Variants in USP42 observed in about 807,000 individuals in gnomAD.
USP42 encodes ubiquitin specific peptidase 42, also known as ubiquitin carboxyl-terminal hydrolase 42.
Under a neutral mutation model 113.0 loss-of-function variants are expected in USP42, and 23 were observed. That is an observed-to-expected ratio of 0.20 (90% confidence interval 0.15 to 0.29). USP42 has a LOEUF of 0.29. Ranked by LOEUF, USP42 falls within the 10% of genes least tolerant of loss-of-function variation. The pLI, the probability that USP42 is intolerant of heterozygous loss-of-function variation, is 1.00. For synonymous variants in USP42, 933 were observed against 699.0 expected (o/e 1.33, Z -5.28); for missense variants, 2,174 against 1,779.8 (o/e 1.22, Z -3.99).
Position 6,154,312 on chromosome 7 carries a change from C to A in USP42, c.2758C>A (p.Pro920Thr). 2 of 1,581,152 alleles carry A rather than the reference C, an allele frequency of 1.3e-6. No homozygotes were observed. The highest frequency in any genetic ancestry group is 1.3e-5 in the African/African-American group (1 of 74,220). ...GHPEGDAEPS[P>T]GERVEDAAAP... Reference sequence around the variant, plus strand: ...CCCGGAAGGGGACGCTGAGCCTAGCCCCGGCGAGAGGGTCGAGGACGCCGC... The same window carrying A: ...CCCGGAAGGGGACGCTGAGCCTAGCACCGGCGAGAGGGTCGAGGACGCCGC... The change falls in exon 15 of 18, where the codon CCC becomes ACC. Residue 920 changes from proline to threonine, a missense_variant. Pro to Thr is a conservative substitution (Grantham distance 38). Transcript: ENST00000306177.
rs1039341973 is a variant in USP42 at position 6,157,262 on chromosome 7, A to G, written c.3943+207A>G. 15 of 1,328,998 alleles carry G rather than the reference A, an allele frequency of 1.1e-5. No individual in the cohort carries two copies. The African/African-American group carries it at 2.1e-4, about 19-fold the overall frequency. 82.3% of individuals were successfully genotyped at this position (1,328,998 alleles called of 1,614,324 possible). On this transcript the variant is annotated intron_variant, in intron 16 of 17. Transcript: ENST00000306177. The surrounding 1 kb of genome is among the most constrained non-coding windows in gnomAD (Gnocchi z 4.1). ...CAGTTAAGCCCTTAGCGTTTATTGA[A>G]GGCCTAAGTGACACAGGACTGAGGG...
At position 6,143,179 on chromosome 7, in the gene USP42, G is replaced by C. The variant is rs116532378; in HGVS notation, c.878+165G>C. On this transcript the variant is annotated intron_variant, in intron 8 of 17. Coordinates refer to ENST00000306177, the MANE Select transcript of USP42 (RefSeq NM_032172.3). Reference sequence around the variant, plus strand: ...CAAAGGCGAGAGCCCGGAGTGTCTTGATGTGTGTGTTTCTGCAAGATGCGC... The same window carrying C: ...CAAAGGCGAGAGCCCGGAGTGTCTTCATGTGTGTGTTTCTGCAAGATGCGC... Among the ~76,000 whole-genome samples the C allele has an allele frequency of 6.1e-3, 925 of 152,278 alleles. 8 individuals carry two copies. Among genetic ancestry groups the C allele is most frequent in the African/African-American group, 0.021 (876 of 41,554 alleles).
At position 6,154,329 on chromosome 7, in the gene USP42, G is replaced by A. The variant is rs545880737; in HGVS notation, c.2775G>A (p.Glu925=). The A allele has an allele frequency of 1.2e-4, 183 of 1,573,618 alleles. 1 individual carries two copies. The East Asian group carries it at 4.3e-3, about 37-fold the overall frequency. ...DAEPSPGERV[E]DAAAPKAPGP... is the part of the protein sequence containing the mutation. ...AGCCTAGCCCCGGCGAGAGGGTCGAGGACGCCGCGGCGCCGAAAGCCCCAG... is the reference window on the plus strand; with the variant it reads ...AGCCTAGCCCCGGCGAGAGGGTCGAAGACGCCGCGGCGCCGAAAGCCCCAG... The change falls in exon 15 of 18, where the codon GAG becomes GAA. Residue 925 remains glutamate (E), a synonymous_variant. Coordinates refer to ENST00000306177, the MANE Select transcript of USP42 (RefSeq NM_032172.3).
chr7:6,116,736 G>T (rs1404648661), intron 3 of USP42: 8 of 530,970 alleles, frequency 1.5e-5, no homozygotes, highest in Non-Finnish European at 2.7e-5. Flanking sequence ...CACCTACCTA[G>T]GGGTGTTTGT....
At chr7:6,113,837 A>G (rs1382247606) in intron 2 of USP42, among the ~76,000 whole-genome samples, 2 of 151,850 alleles carry the variant, frequency 1.3e-5, no homozygotes, top group Admixed American at 6.6e-5. Context: ...TAGCCTGAAT[A>G]GTCTCGATCT....
chr7:6,136,002 CTTTTTTTT>C, intron 4 of USP42, 51 bp downstream of exon 4: 1 of 549,166 alleles, frequency 1.8e-6, no homozygotes, highest in Non-Finnish European at 2.7e-6. Flanking sequence ...CCTAGTTATA[CTTTTTTTT>C]TTTTTTTTTT....
At chr7:6,119,866 G>A (rs1363791766) in intron 3 of USP42, among the ~76,000 whole-genome samples, 1 of 152,138 alleles carries the variant, frequency 6.6e-6, no homozygotes, top group Non-Finnish European at 1.5e-5. Context: ...ACAACACCTA[G>A]CTAATTTTTT....
intron 3 of USP42, among the ~76,000 whole-genome samples, chr7:6,131,368 G>C (rs968666891): frequency 5.9e-5 from 9 of 151,988 alleles, no homozygotes; most frequent in Admixed American, 1.3e-4. Flanking sequence ...CCAGCTACTC[G>C]AGAGACGGGT....
intron 8 of USP42, among the ~76,000 whole-genome samples, chr7:6,143,866 T>G (rs971004446): frequency 6.6e-6 from 1 of 152,198 alleles, no homozygotes; most frequent in Non-Finnish European, 1.5e-5. Flanking sequence ...TTTTCAGAAT[T>G]GTCCTAACTT....
In USP42 at chr7:6,158,681, A is replaced by T. The variant is rs985743177; in HGVS notation, c.3944-769A>T. Among the ~76,000 whole-genome samples, 1 of 152,124 alleles carries T rather than the reference A, an allele frequency of 6.6e-6. No individual in the cohort carries two copies. The highest frequency in any genetic ancestry group is 2.4e-5 in the African/African-American group (1 of 41,424). ...GACGGGTTGCCTGCGGGCCTTGTAG[A>T]CGTTCTGGACATTTCAGAATTGGTT... is the stretch of plus-strand genomic sequence containing the variant. On this transcript the variant is annotated intron_variant, in intron 16 of 17. Coordinates refer to ENST00000306177, the MANE Select transcript of USP42 (RefSeq NM_032172.3). The surrounding 1 kb of genome is among the most constrained non-coding windows in gnomAD (Gnocchi z 4.2).
intron 3 of USP42, among the ~76,000 whole-genome samples, chr7:6,128,483 C>T (rs1369436903): frequency 6.6e-6 from 1 of 152,046 alleles, no homozygotes; most frequent in Non-Finnish European, 1.5e-5. Context: ...CTTTTTTATC[C>T]TTTTACTTTC....
At chr7:6,114,964 A>G (rs1562805711) in intron 2 of USP42, among the ~76,000 whole-genome samples, 1 of 152,040 alleles carries the variant, frequency 6.6e-6, no homozygotes. Flanking sequence ...TGCTGGGATT[A>G]TAGGCGTGAG....
Position 6,157,125 on chromosome 7 carries a change from T to G in USP42, c.3943+70T>G, listed in dbSNP as rs1249654115. On this transcript the variant is annotated intron_variant, in intron 16 of 17. Coordinates refer to ENST00000306177, the MANE Select transcript of USP42 (RefSeq NM_032172.3). This position sits in a 1 kb window ranked among gnomAD's most constrained non-coding sequence, Gnocchi z 4.1. Reference sequence around the variant, plus strand: ...AATACATTTTCTTTGCAAAGGTGATTAACATGTAGAAAGAAAACCTCAGGT... The same window carrying G: ...AATACATTTTCTTTGCAAAGGTGATGAACATGTAGAAAGAAAACCTCAGGT... 1 of 1,460,644 alleles carries G rather than the reference T, an allele frequency of 6.8e-7. No individual in the cohort carries two copies. Among genetic ancestry groups the G allele is most frequent in the East Asian group, 2.4e-5 (1 of 41,174 alleles). The allele number at this position is 1,460,644 out of a possible 1,614,324, so 90.5% of individuals were successfully genotyped here.
At chr7:6,092,082 CTCTTCTTCTTCTTCCTCCTCT>C in the USP42 span, among the ~76,000 whole-genome samples, 2 of 59,496 alleles carry the variant, frequency 3.4e-5, no homozygotes, top group Admixed American at 2.0e-4. Context: ...CTTCCTCTTC[CTCTTCTTCTTCTTCCTCCTCT>C]TCTTCTTCTT....
At position 6,159,762 on chromosome 7, in the gene USP42, C is replaced by G. The variant is rs927069489; in HGVS notation, c.*36+269C>G. Among the ~76,000 whole-genome samples, 1 of 152,262 alleles carries G rather than the reference C, an allele frequency of 6.6e-6. No homozygotes were observed. The highest frequency in any genetic ancestry group is 2.4e-5 in the African/African-American group (1 of 41,476). ...GGCAGAGTCGCCCTGTTCCCTTGTGCCTCACTTGGGAAAAGCCAACCCGGC... is the reference window on the plus strand; with the variant it reads ...GGCAGAGTCGCCCTGTTCCCTTGTGGCTCACTTGGGAAAAGCCAACCCGGC... On this transcript the variant is annotated intron_variant, in intron 17 of 17. Transcript: ENST00000306177. This position sits in a 1 kb window ranked among gnomAD's most constrained non-coding sequence, Gnocchi z 4.1.
chr7:6,156,896 A>T lies in USP42; in HGVS notation c.3784A>T (p.Thr1262Ser). The stretch of plus-strand genomic sequence containing the variant: ...TTCAGAACTGCACTTACCCAGGGTC[A>T]CCAGCTTGGAGACTGTCGCCCAGTT... ...KDSELHLPRVTSLETVAQFRR... is the reference protein window; with the variant it reads ...KDSELHLPRVSSLETVAQFRR... Residue 1262 changes from threonine to serine, a missense_variant, in exon 16 of 18, where the codon ACC becomes TCC. Physicochemically the swap from Thr to Ser is moderately conservative, Grantham distance 58 (BLOSUM62 1). Transcript: ENST00000306177. 1 of 1,613,782 alleles carries T rather than the reference A, an allele frequency of 6.2e-7. No individual in the cohort carries two copies. The highest frequency in any genetic ancestry group is 1.3e-5 in the African/African-American group (1 of 75,026).
chr7:6,119,053 A>G (rs1022422362), intron 3 of USP42, among the ~76,000 whole-genome samples: 1 of 147,842 alleles, frequency 6.8e-6, no homozygotes, highest in African/African-American at 2.5e-5. Flanking sequence ...TGTCTCTCCA[A>G]AAAAAAAAAA....
At chr7:6,120,490 G>C (rs1040920100) in intron 3 of USP42, among the ~76,000 whole-genome samples, 1 of 152,078 alleles carries the variant, frequency 6.6e-6, no homozygotes, top group Admixed American at 6.6e-5. Context: ...TGATCTGCCC[G>C]ACTCGGCCTC....
At chr7:6,130,208 C>G (rs1408569933) in intron 3 of USP42, among the ~76,000 whole-genome samples, 1 of 152,172 alleles carries the variant, frequency 6.6e-6, no homozygotes, top group East Asian at 1.9e-4. Flanking sequence ...TTTGTTTTAG[C>G]CAACTTGCTC....
Sources: allele counts gnomAD v4.1 joint callset (sites outside exome capture counted in the v4.1 genomes callset), GRCh38; gene constraint gnomAD v4.1.1; non-coding constraint Gnocchi (gnomAD v3.1); transcripts MANE v1.5; gene names NCBI Gene and HGNC (gene_info 2026-07-23, HGNC 2026-07-21).